The following CBFB variants were observed in gnomAD, a reference collection of about 807,000 sequenced individuals.
CBFB encodes the protein CBF-beta.
In CBFB, 9 loss-of-function variants were observed where a neutral mutation model predicts 30.4. The ratio of observed to expected loss-of-function variants is 0.30; its 90% CI spans 0.18 to 0.52. CBFB has a LOEUF of 0.52. CBFB is among the 20% of genes least tolerant of loss of function. The probability of loss-of-function intolerance (pLI) is 0.97; values close to 1 mark genes in which losing one functional copy is unlikely to be tolerated. For missense variants in CBFB, 170 were observed against 244.0 expected (o/e 0.70, Z 2.02); for synonymous variants, 94 against 84.0 (o/e 1.12, Z -0.65).
At chr16:67,046,878 A>C (rs1329810538) in intron 3 of CBFB, among the ~76,000 whole-genome samples, 1 of 152,194 alleles carries the variant, frequency 6.6e-6, no homozygotes, top group Non-Finnish European at 1.5e-5. Flanking sequence ...TATAATAGTG[A>C]TATGGTAGAC....
intron 5 of CBFB, among the ~76,000 whole-genome samples, chr16:67,098,221 C>T (rs1269312029): frequency 6.6e-6 from 1 of 152,100 alleles, no homozygotes; most frequent in African/African-American, 2.4e-5. Context: ...CGGCAACCTC[C>T]ACCTCCCAGG....
rs895105417 is a variant in CBFB, at chr16:67,080,228, C to T, written c.400-1985C>T. Among the ~76,000 whole-genome samples the T allele has an allele frequency of 6.4e-4, 97 of 152,246 alleles. 1 individual carries two copies. Among genetic ancestry groups the T allele is most frequent in the African/African-American group, 2.0e-3 (85 of 41,556 alleles). ...CAGATTGTGCTTTAAAGGCATACTC[C>T]GATGGCTGTGTGGTAGATTGGGTTG... is the stretch of plus-strand genomic sequence containing the variant. On this transcript the variant is annotated intron_variant, in intron 4 of 5. Coordinates refer to ENST00000412916, the MANE Select transcript of CBFB (RefSeq NM_022845.3).
intron 3 of CBFB, among the ~76,000 whole-genome samples, chr16:67,038,181 A>C (rs973308595): frequency 1.3e-5 from 2 of 151,996 alleles, no homozygotes; most frequent in African/African-American, 4.8e-5. Flanking sequence ...TTACTAAATT[A>C]ATTTTCTAAG....
chr16:67,039,559 C>T (rs957666666), intron 3 of CBFB, among the ~76,000 whole-genome samples: 1 of 152,154 alleles, frequency 6.6e-6, no homozygotes, highest in African/African-American at 2.4e-5. Flanking sequence ...TATAATCTTA[C>T]AAGACCACTG....
chr16:67,092,548 C>G (rs1961916646), intron 5 of CBFB, among the ~76,000 whole-genome samples: 1 of 152,030 alleles, frequency 6.6e-6, no homozygotes, highest in Non-Finnish European at 1.5e-5. Context: ...AGAGTTGAAT[C>G]AGATCTCTCA....
chr16:67,073,266 T>C (rs1357087524), intron 4 of CBFB, among the ~76,000 whole-genome samples: 1 of 152,200 alleles, frequency 6.6e-6, no homozygotes, highest in African/African-American at 2.4e-5. Context: ...TGTCTCTGCT[T>C]TTGTCCAGAG....
At chr16:67,051,872 C>G (rs1448116089) in intron 3 of CBFB, among the ~76,000 whole-genome samples, 1 of 150,910 alleles carries the variant, frequency 6.6e-6, no homozygotes, top group Non-Finnish European at 1.5e-5. Context: ...GCCTCAGCCT[C>G]CTGAGTAGCT....
Position 67,062,798 on chromosome 16 carries a change from T to A in CBFB, c.283-3884T>A, listed in dbSNP as rs546314689. On this transcript the variant is annotated intron_variant, in intron 3 of 5. Coordinates refer to ENST00000412916, the MANE Select transcript of CBFB (RefSeq NM_022845.3). The stretch of plus-strand genomic sequence containing the variant: ...ACAGAGTGAGACTCTGTCTCAAAAA[T>A]AATAATAATTTTTTTAAAAAGAATA... 5.3e-5 allele frequency among the ~76,000 whole-genome samples: 8 copies of A among 151,818 alleles called. No individual in the cohort carries two copies. In the South Asian group the frequency reaches 1.5e-3, roughly 28 times the overall value.
intron 4 of CBFB, among the ~76,000 whole-genome samples, chr16:67,078,139 A>G (rs548941579): frequency 6.6e-6 from 1 of 152,332 alleles, no homozygotes; most frequent in South Asian, 2.1e-4. Flanking sequence ...GAGGTGTTAG[A>G]TTGCAGCAGG....
intron 3 of CBFB, among the ~76,000 whole-genome samples, chr16:67,039,644 A>T (rs1027206288): frequency 2.2e-5 from 3 of 138,412 alleles, no homozygotes; most frequent in African/African-American, 1.0e-4. Flanking sequence ...TATGTTTTTA[A>T]TTCTATTAGG....
chr16:67,049,839 A>T (rs1421516772), intron 3 of CBFB, among the ~76,000 whole-genome samples: 1 of 152,134 alleles, frequency 6.6e-6, no homozygotes, highest in Non-Finnish European at 1.5e-5. Context: ...GGTTTACATT[A>T]TCACTAATTC....
At chr16:67,058,206 T>G (rs1412389332) in intron 3 of CBFB, among the ~76,000 whole-genome samples, 6 of 152,172 alleles carry the variant, frequency 3.9e-5, no homozygotes, top group Non-Finnish European at 4.4e-5. Flanking sequence ...AGTGGCACCA[T>G]CTTGGCTCAC....
chr16:67,030,044 C>G (rs1966307863), intron 2 of CBFB: 1 of 449,102 alleles, frequency 2.2e-6, no homozygotes, highest in South Asian at 3.8e-5. Context: ...AACGGAGCAC[C>G]GCGAGTGGAG....
chr16:67,093,194 C>T (rs574794207), intron 5 of CBFB, among the ~76,000 whole-genome samples: 5 of 152,128 alleles, frequency 3.3e-5, no homozygotes, highest in South Asian at 2.1e-4. Flanking sequence ...AATTGTTCCA[C>T]CTCAGCCTCC....
chr16:67,034,151 T>G (rs1263273184), intron 2 of CBFB, among the ~76,000 whole-genome samples: 1 of 152,170 alleles, frequency 6.6e-6, no homozygotes, highest in African/African-American at 2.4e-5. Context: ...TCTTATGTAG[T>G]TAAGAATGTT....
At chr16:67,055,390 G>T (rs1266789855) in intron 3 of CBFB, among the ~76,000 whole-genome samples, 2 of 98,954 alleles carry the variant, frequency 2.0e-5, no homozygotes, top group Admixed American at 1.2e-4. Context: ...TTTTTGAGAC[G>T]GAGTCTCGCT....
At position 67,082,007 on chromosome 16, in the gene CBFB, T is replaced by C. The variant is rs143119034; in HGVS notation, c.400-206T>C. On this transcript the variant is annotated intron_variant, in intron 4 of 5. Transcript: ENST00000412916. ...CTAATTTCTGTATTTTTAGTAGAGA[T>C]GCGGTTTCACCATGTTGGTCAGGCT... 19,196 of 258,052 alleles carry C rather than the reference T, an allele frequency of 0.074. 949 individuals are homozygous for C. The highest frequency in any genetic ancestry group is 0.11 in the Non-Finnish European group (14,278 of 133,478). The allele number at this position is 258,052 out of a possible 1,614,324, so 16.0% of individuals were successfully genotyped here. A position where few individuals can be genotyped will look rare whatever the true frequency, so the allele number is the denominator to read the frequency against.
At chr16:67,052,686 G>A (rs1960588986) in intron 3 of CBFB, among the ~76,000 whole-genome samples, 1 of 152,136 alleles carries the variant, frequency 6.6e-6, no homozygotes, top group South Asian at 2.1e-4. Flanking sequence ...AGTTGGCCAG[G>A]TATGGTGGCT....
intron 4 of CBFB, among the ~76,000 whole-genome samples, chr16:67,081,086 C>T (rs1283080633): frequency 6.6e-6 from 1 of 151,264 alleles, no homozygotes; most frequent in Admixed American, 6.6e-5. Flanking sequence ...ACTAACTCGT[C>T]ATCTAGCATT....
Sources: gnomAD v4.1 joint callset for allele counts (sites outside exome capture counted in the v4.1 genomes callset) on GRCh38, gnomAD v4.1.1 for gene constraint, MANE v1.5 for transcripts, NCBI Gene and HGNC (gene_info 2026-07-23, HGNC 2026-07-21) for gene names.